PTPRD: variants seen among roughly 807,000 people sequenced by gnomAD.
The protein encoded by PTPRD is receptor-type tyrosine-protein phosphatase delta.
Under a neutral mutation model 214.5 loss-of-function variants are expected in PTPRD, and 34 were observed. That is an observed-to-expected ratio of 0.16 (90% CI 0.12 to 0.21). PTPRD has a LOEUF of 0.21. PTPRD is among the 10% of genes least tolerant of loss of function. The pLI is 1.00. For synonymous variants in PTPRD, 1,128 were observed against 845.7 expected (o/e 1.33, Z -5.79); for missense variants, 2,545 against 2,398.7 (o/e 1.06, Z -1.27).
intron 9 of PTPRD, among the ~76,000 whole-genome samples, chr9:9,228,555 G>A (rs1444418674): frequency 2.0e-5 from 3 of 151,358 alleles, no homozygotes; most frequent in Non-Finnish European, 2.9e-5. Context: ...TTCTCATATG[G>A]CAATAAATAC....
intron 36 of PTPRD, among the ~76,000 whole-genome samples, chr9:8,392,258 C>G (rs2089857242): frequency 6.6e-6 from 1 of 152,030 alleles, no homozygotes; most frequent in Admixed American, 6.6e-5. Flanking sequence ...GGCATGGTGG[C>G]TCATGCCTGT....
chr9:9,923,233 T>C (rs2083159611), intron 5 of PTPRD, among the ~76,000 whole-genome samples: 1 of 134,464 alleles, frequency 7.4e-6, no homozygotes, highest in African/African-American at 3.2e-5. Flanking sequence ...TGTATATTTT[T>C]ACACCCTTTC....
At chr9:8,997,064 C>G (rs1015539768) in intron 11 of PTPRD, among the ~76,000 whole-genome samples, 2 of 152,042 alleles carry the variant, frequency 1.3e-5, no homozygotes, top group Non-Finnish European at 2.9e-5. Flanking sequence ...ACTAGAGTCT[C>G]ATTTCTTTCC....
intron 11 of PTPRD, among the ~76,000 whole-genome samples, chr9:8,992,749 T>C (rs1316250251): frequency 6.6e-6 from 1 of 152,170 alleles, no homozygotes; most frequent in Non-Finnish European, 1.5e-5. Context: ...TAAATATTTA[T>C]CAGAGGATTT....
At chr9:8,795,132 G>C (rs2096371659) in intron 11 of PTPRD, among the ~76,000 whole-genome samples, 1 of 151,878 alleles carries the variant, frequency 6.6e-6, no homozygotes, top group Non-Finnish European at 1.5e-5. Context: ...GAAAACATTA[G>C]TATCATCCAC....
At chr9:9,403,403 T>C (rs1237038826) in intron 8 of PTPRD, among the ~76,000 whole-genome samples, 2 of 105,300 alleles carry the variant, frequency 1.9e-5, no homozygotes, top group African/African-American at 3.9e-5. Flanking sequence ...TAAATATTGT[T>C]ATATTTTCTC....
chr9:8,598,891 T>C (rs1444151921), intron 14 of PTPRD, among the ~76,000 whole-genome samples: 2 of 152,172 alleles, frequency 1.3e-5, no homozygotes, highest in Non-Finnish European at 2.9e-5. Context: ...TAGCAAAAGA[T>C]ACAGAGTGTA....
intron 5 of PTPRD, among the ~76,000 whole-genome samples, chr9:9,877,328 C>G (rs2153728527): frequency 6.6e-6 from 1 of 152,230 alleles, no homozygotes; most frequent in East Asian, 1.9e-4. Flanking sequence ...TTTTCCTCCA[C>G]AGTCCAATGT....
At chr9:10,416,707 C>T (rs1021048727) in intron 2 of PTPRD, among the ~76,000 whole-genome samples, 1 of 151,396 alleles carries the variant, frequency 6.6e-6, no homozygotes, top group Non-Finnish European at 1.5e-5. Flanking sequence ...GTATCTAGTA[C>T]CGTAATAGAG....
chr9:9,615,751 T>C (rs889008192), intron 7 of PTPRD, among the ~76,000 whole-genome samples: 1 of 152,170 alleles, frequency 6.6e-6, no homozygotes, highest in Non-Finnish European at 1.5e-5. Flanking sequence ...AAACATTATC[T>C]AATTTAATCC....
rs117995864 is a variant in PTPRD, at chr9:8,680,266, C to T, written c.65-43422G>A. 2.1e-3 allele frequency among the ~76,000 whole-genome samples: 312 copies of T among 152,102 alleles called. 1 individual carries two copies. The highest frequency in any genetic ancestry group is 0.015 in the East Asian group (80 of 5,178). On this transcript the variant is annotated intron_variant, in intron 12 of 45. Transcript: ENST00000381196. ...ACTGGAAAACCAATGTTGAAAAGAACCCACAGTTTTCAATGATACCACCTG... is the reference window on the plus strand; with the variant it reads ...ACTGGAAAACCAATGTTGAAAAGAATCCACAGTTTTCAATGATACCACCTG...
intron 11 of PTPRD, among the ~76,000 whole-genome samples, chr9:8,848,171 A>G (rs1185467663): frequency 2.0e-5 from 3 of 151,808 alleles, no homozygotes; most frequent in East Asian, 1.9e-4. Context: ...CCATCTGCAG[A>G]AAAAAAAGGT....
chr9:9,960,683 C>T (rs193192333), intron 4 of PTPRD, among the ~76,000 whole-genome samples: 28 of 152,128 alleles, frequency 1.8e-4, no homozygotes, highest in East Asian at 1.9e-4. Context: ...GAGGGGCATC[C>T]TGCAAAATAG....
chr9:9,003,060 A>G (rs1256976576), intron 11 of PTPRD, among the ~76,000 whole-genome samples: 1 of 152,062 alleles, frequency 6.6e-6, no homozygotes, highest in Non-Finnish European at 1.5e-5. Flanking sequence ...ACTTATCAAC[A>G]AACACACCAC....
At chr9:9,675,067 G>A (rs2096903424) in intron 7 of PTPRD, among the ~76,000 whole-genome samples, 1 of 151,812 alleles carries the variant, frequency 6.6e-6, no homozygotes. Flanking sequence ...AAAACCTCTA[G>A]CACATGGAAC....
At chr9:10,282,151 C>G (rs2095148725) in intron 3 of PTPRD, among the ~76,000 whole-genome samples, 1 of 152,112 alleles carries the variant, frequency 6.6e-6, no homozygotes. Flanking sequence ...GGGTTTGAAT[C>G]CAGACTCTGC....
At chr9:10,297,185 G>C (rs1326178975) in intron 3 of PTPRD, among the ~76,000 whole-genome samples, 1 of 150,200 alleles carries the variant, frequency 6.7e-6, no homozygotes, top group East Asian at 1.9e-4. Context: ...GTGCAGGTTT[G>C]TTACATATGT....
At chr9:9,815,322 G>T (rs77036797) in intron 5 of PTPRD, among the ~76,000 whole-genome samples, 1 of 151,810 alleles carries the variant, frequency 6.6e-6, no homozygotes, top group Non-Finnish European at 1.5e-5. Context: ...CACAGACAAA[G>T]GAATGAAACT....
chr9:8,890,569 A>G (rs189303622), intron 11 of PTPRD, among the ~76,000 whole-genome samples: 31 of 152,350 alleles, frequency 2.0e-4, no homozygotes, highest in Middle Eastern at 3.4e-3. Flanking sequence ...GGTAGCCTGG[A>G]CCTTTGCATG....
Sources: allele counts gnomAD v4.1 joint callset (sites outside exome capture counted in the v4.1 genomes callset), GRCh38; gene constraint gnomAD v4.1.1; transcripts MANE v1.5; gene names NCBI Gene and HGNC (gene_info 2026-07-23, HGNC 2026-07-21).